The following SYNDIG1L variants were observed in gnomAD, a reference collection of about 807,000 sequenced individuals.
SYNDIG1L encodes the protein synapse differentiation inducing 1 like, also known as synapse differentiation-inducing gene protein 1-like.
SYNDIG1L carries 13 observed loss-of-function variants against 20.1 expected under a neutral mutation model. The observed-to-expected ratio is 0.65, with a 90% CI of 0.42 to 1.03. SYNDIG1L has a LOEUF of 1.03. SYNDIG1L is among the 50% of genes least tolerant of loss of function. SYNDIG1L has a pLI of 0.00. For synonymous variants in SYNDIG1L, 128 were observed against 129.3 expected (o/e 0.99, Z 0.07); for missense variants, 294 against 305.1 (o/e 0.96, Z 0.27).
At chr14:74,436,958 G>T in the SYNDIG1L span, among the ~76,000 whole-genome samples, 1 of 151,324 alleles carries the variant, frequency 6.6e-6, no homozygotes, top group Non-Finnish European at 1.5e-5. Flanking sequence ...GTAATAGCTC[G>T]TATTTTCCCT....
At chr14:74,434,949 G>T in the SYNDIG1L span, among the ~76,000 whole-genome samples, 1 of 151,132 alleles carries the variant, frequency 6.6e-6, no homozygotes, top group Non-Finnish European at 1.5e-5. Context: ...CGGGCGTGGT[G>T]GTGGGTGCCT....
At chr14:74,470,755 A>AGTTT in the SYNDIG1L span, among the ~76,000 whole-genome samples, 1 of 152,320 alleles carries the variant, frequency 6.6e-6, no homozygotes, top group East Asian at 1.9e-4. Flanking sequence ...TCAGCGCAAT[A>AGTTT]GTTTGTTAGG....
chr14:74,473,119 T>C, the SYNDIG1L span, among the ~76,000 whole-genome samples: 1 of 152,142 alleles, frequency 6.6e-6, no homozygotes, highest in African/African-American at 2.4e-5. Flanking sequence ...CGGTGGCTCA[T>C]GCTTGTAATC....
the SYNDIG1L span, among the ~76,000 whole-genome samples, chr14:74,458,977 G>A: frequency 1.3e-5 from 2 of 152,134 alleles, no homozygotes; most frequent in African/African-American, 4.8e-5. Context: ...TGTGGGCAAT[G>A]TGTGTGAGAG....
chr14:74,417,025 C>CAATA (rs1479341129), intron 1 of SYNDIG1L, among the ~76,000 whole-genome samples: 5 of 152,182 alleles, frequency 3.3e-5, no homozygotes, highest in Non-Finnish European at 5.9e-5. Context: ...TATCAGCTAC[C>CAATA]ATTATTGGGT....
chr14:74,414,752 T>G (rs1469848382), intron 1 of SYNDIG1L, among the ~76,000 whole-genome samples: 1 of 152,190 alleles, frequency 6.6e-6, no homozygotes, highest in Non-Finnish European at 1.5e-5. Flanking sequence ...TAAATGCTCG[T>G]GTTGACTCTA....
chr14:74,468,812 C>G, the SYNDIG1L span, among the ~76,000 whole-genome samples: 100 of 152,336 alleles, frequency 6.6e-4, no homozygotes, highest in African/African-American at 2.3e-3. Flanking sequence ...CATCACCTCA[C>G]CCACCACCCT....
chr14:74,476,419 G>T, the SYNDIG1L span: 1 of 936,208 alleles, frequency 1.1e-6, no homozygotes, highest in Non-Finnish European at 1.7e-6. Context: ...ATTTGTGGAG[G>T]ACGGCCTGCT....
the SYNDIG1L span, among the ~76,000 whole-genome samples, chr14:74,431,746 T>C: frequency 6.6e-6 from 1 of 152,108 alleles, no homozygotes; most frequent in Non-Finnish European, 1.5e-5. Context: ...AGGAAATAAC[T>C]TCAAAATGTA....
the SYNDIG1L span, among the ~76,000 whole-genome samples, chr14:74,465,255 G>T: frequency 6.6e-6 from 1 of 152,230 alleles, no homozygotes; most frequent in African/African-American, 2.4e-5. Flanking sequence ...GGGGCAAGCT[G>T]TCTTCCTGGG....
the SYNDIG1L span, among the ~76,000 whole-genome samples, chr14:74,454,264 T>A: frequency 6.6e-6 from 1 of 152,242 alleles, no homozygotes; most frequent in Admixed American, 6.5e-5. Context: ...TTCATATTTT[T>A]CTTTAAATTA....
At chr14:74,436,052 G>C in the SYNDIG1L span, among the ~76,000 whole-genome samples, 1 of 152,170 alleles carries the variant, frequency 6.6e-6, no homozygotes, top group African/African-American at 2.4e-5. Context: ...AAACAGGGTA[G>C]GTTCTGGGGA....
chr14:74,467,056 G>A, the SYNDIG1L span, among the ~76,000 whole-genome samples: 3 of 152,170 alleles, frequency 2.0e-5, no homozygotes, highest in Admixed American at 2.0e-4. Flanking sequence ...GTGGAGAGGT[G>A]GGATTCTGTG....
chr14:74,432,180 T>TGTGA, the SYNDIG1L span, among the ~76,000 whole-genome samples: 2,655 of 123,946 alleles, frequency 0.021, 55 homozygotes, highest in Admixed American at 0.078. Flanking sequence ...TGTGTGTGTG[T>TGTGA]GAGAGAGAGA....
At chr14:74,459,611 G>C in the SYNDIG1L span, among the ~76,000 whole-genome samples, 4 of 152,328 alleles carry the variant, frequency 2.6e-5, no homozygotes, top group South Asian at 8.3e-4. Flanking sequence ...AACCATGCTT[G>C]GTACCCTGCA....
intron 1 of SYNDIG1L, among the ~76,000 whole-genome samples, chr14:74,414,544 TAC>T (rs1184121884): frequency 6.6e-6 from 1 of 152,216 alleles, no homozygotes; most frequent in African/African-American, 2.4e-5. Flanking sequence ...GGAGTCAAAT[TAC>T]AGTCTCCTGC....
At chr14:74,410,860 T>A (rs542666749) in intron 1 of SYNDIG1L, among the ~76,000 whole-genome samples, 1 of 152,260 alleles carries the variant, frequency 6.6e-6, no homozygotes, top group African/African-American at 2.4e-5. Flanking sequence ...CTTTGAGAAG[T>A]TCCTGCAGGA....
intron 1 of SYNDIG1L, among the ~76,000 whole-genome samples, chr14:74,423,691 TATAC>T (rs1166283560): frequency 0.013 from 397 of 30,666 alleles, 3 homozygotes; most frequent in African/African-American, 0.052. Flanking sequence ...TTGATATATA[TATAC>T]ACACACACAC....
At chr14:74,424,983 T>C (rs2086253449) in intron 1 of SYNDIG1L, among the ~76,000 whole-genome samples, 1 of 152,150 alleles carries the variant, frequency 6.6e-6, no homozygotes, top group African/African-American at 2.4e-5. Context: ...GTGCTCTTTC[T>C]ACCCCTGGGG....
Sources: gnomAD v4.1 joint callset for allele counts (sites outside exome capture counted in the v4.1 genomes callset) on GRCh38, gnomAD v4.1.1 for gene constraint, MANE v1.5 for transcripts, NCBI Gene and HGNC (gene_info 2026-07-23, HGNC 2026-07-21) for gene names.